Variants in MAP3K7CL observed in about 807,000 individuals in gnomAD.
MAP3K7CL encodes MAP3K7 C-terminal like, also known as MAP3K7 C-terminal-like protein.
Under a neutral mutation model 18.6 loss-of-function variants are expected in MAP3K7CL, and 16 were observed. That is an observed-to-expected ratio of 0.86 (90% CI 0.58 to 1.31). The LOEUF (loss-of-function observed/expected upper bound fraction) is 1.31. MAP3K7CL is among the 50% of genes most tolerant of loss of function. The pLI is 0.00. For missense variants in MAP3K7CL, 163 were observed against 174.4 expected (o/e 0.93, Z 0.37); for synonymous variants, 65 against 66.8 (o/e 0.97, Z 0.13).
chr21:29,080,427 C>T (rs1223657280), intron 1 of MAP3K7CL: 2 of 152,346 alleles, frequency 1.3e-5, no homozygotes, highest in Middle Eastern at 3.4e-3. Flanking sequence ...AACCAGAATT[C>T]CTGATGCACT....
At chr21:29,156,559 G>A (rs2251186) in intron 3 of MAP3K7CL, among the ~76,000 whole-genome samples, 42,743 of 151,978 alleles carry the variant, frequency 0.28, 7,612 homozygotes, top group Non-Finnish European at 0.37. Flanking sequence ...GCCATATATT[G>A]TCTCTTATTT....
intron 4 of MAP3K7CL, among the ~76,000 whole-genome samples, chr21:29,116,669 C>G (rs967224265): frequency 2.6e-5 from 4 of 152,104 alleles, no homozygotes; most frequent in African/African-American, 9.7e-5. Context: ...TTTAGTTTTT[C>G]TTGATAAACA....
At chr21:29,105,854 C>T (rs925616674) in intron 4 of MAP3K7CL, among the ~76,000 whole-genome samples, 3 of 152,124 alleles carry the variant, frequency 2.0e-5, no homozygotes, top group Non-Finnish European at 2.9e-5. Context: ...TGTACTCTGA[C>T]TGTTGGAAGA....
chr21:29,149,126 A>G lies in MAP3K7CL; in HGVS notation c.71-63A>G, dbSNP rs1169889533. The stretch of plus-strand genomic sequence containing the variant: ...TATACTGATGGTCTAACTCTGGGGG[A>G]GTCCAAGGACTCCTACAAGAAAGAG... On this transcript the variant is annotated intron_variant, in intron 2 of 4. Transcript: ENST00000399928. 3 of 1,308,300 alleles carry G rather than the reference A, an allele frequency of 2.3e-6. No individual in the cohort carries two copies. The African/African-American group carries it at 4.4e-5, about 19-fold the overall frequency. The allele number at this position is 1,308,300 out of a possible 1,614,324, so 81.0% of individuals were successfully genotyped here. A position where few individuals can be genotyped will look rare whatever the true frequency, so the allele number is the denominator to read the frequency against.
chr21:29,163,588 T>C (rs775044557), intron 4 of MAP3K7CL, among the ~76,000 whole-genome samples: 12 of 152,160 alleles, frequency 7.9e-5, no homozygotes, highest in African/African-American at 1.9e-4. Flanking sequence ...ATCCCTCAAC[T>C]TCAGCTACAT....
chr21:29,098,748 G>C (rs2086167555), intron 4 of MAP3K7CL, among the ~76,000 whole-genome samples: 1 of 152,042 alleles, frequency 6.6e-6, no homozygotes, highest in South Asian at 2.1e-4. Context: ...CAAGTCCTAA[G>C]CTTTCTACTA....
At chr21:29,160,257 A>C (rs998816794) in intron 4 of MAP3K7CL, among the ~76,000 whole-genome samples, 1 of 152,210 alleles carries the variant, frequency 6.6e-6, no homozygotes, top group Non-Finnish European at 1.5e-5. Flanking sequence ...CTCAAAACTT[A>C]ATTTTTTAAA....
intron 2 of MAP3K7CL, among the ~76,000 whole-genome samples, chr21:29,144,746 T>C (rs952983114): frequency 4.6e-5 from 7 of 152,228 alleles, no homozygotes; most frequent in Admixed American, 1.3e-4. Context: ...CATTGCTAAA[T>C]AACAGGGAGG....
At chr21:29,144,680 A>T (rs1199092972) in intron 2 of MAP3K7CL, among the ~76,000 whole-genome samples, 1 of 152,192 alleles carries the variant, frequency 6.6e-6, no homozygotes, top group Non-Finnish European at 1.5e-5. Flanking sequence ...GCTGGACCAG[A>T]TGGTTGCCTA....
At chr21:29,164,745 A>G (rs2087643643) in intron 4 of MAP3K7CL, among the ~76,000 whole-genome samples, 1 of 152,040 alleles carries the variant, frequency 6.6e-6, no homozygotes, top group Non-Finnish European at 1.5e-5. Context: ...TTATATTTTT[A>G]CTGATTTTTT....
intron 4 of MAP3K7CL, among the ~76,000 whole-genome samples, chr21:29,122,648 A>G (rs2086614365): frequency 6.6e-6 from 1 of 152,160 alleles, no homozygotes; most frequent in African/African-American, 2.4e-5. Flanking sequence ...ACCAACGTCT[A>G]GCTGCTGCTG....
chr21:29,123,820 G>A (rs73192186), intron 4 of MAP3K7CL, among the ~76,000 whole-genome samples: 26,520 of 152,024 alleles, frequency 0.17, 2,677 homozygotes, highest in South Asian at 0.23. Context: ...GGTACACACT[G>A]GGATATTAAC....
intron 1 of MAP3K7CL, among the ~76,000 whole-genome samples, chr21:29,086,701 G>A (rs1193163463): frequency 6.6e-6 from 1 of 152,206 alleles, no homozygotes. Flanking sequence ...GCCAGGTGGT[G>A]ATTGGCAATA....
intron 4 of MAP3K7CL, chr21:29,122,069 C>G (rs768718525): frequency 1.4e-4 from 21 of 152,164 alleles, no homozygotes; most frequent in Non-Finnish European, 7.3e-5. Context: ...TGTTTGGTTT[C>G]TGGAAAGTGC....
At position 29,146,615 on chromosome 21, in the gene MAP3K7CL, G is replaced by T. The variant is rs927507466; in HGVS notation, c.71-2574G>T. On this transcript the variant is annotated intron_variant, in intron 2 of 4. Transcript: ENST00000399928. ...GACTGTCCTCTAACCTGCAGCAAGGGGCTTGGGAAATTTCTCAGTTTTTAC... is the reference window on the plus strand; with the variant it reads ...GACTGTCCTCTAACCTGCAGCAAGGTGCTTGGGAAATTTCTCAGTTTTTAC... 3.3e-5 allele frequency among the ~76,000 whole-genome samples: 5 copies of T among 152,258 alleles called. No homozygotes were observed. The South Asian group carries it at 8.3e-4, about 25-fold the overall frequency.
chr21:29,118,363 T>C (rs2086538909), intron 4 of MAP3K7CL, among the ~76,000 whole-genome samples: 1 of 99,674 alleles, frequency 1.0e-5, no homozygotes, highest in Admixed American at 1.1e-4. Flanking sequence ...TTAACTTTTC[T>C]CCATGTGTGT....
chr21:29,167,941 C>T (rs1034139845), intron 4 of MAP3K7CL, among the ~76,000 whole-genome samples: 10 of 151,792 alleles, frequency 6.6e-5, no homozygotes, highest in Admixed American at 2.6e-4. Context: ...CCTCGTGGTC[C>T]GCCCACCTGG....
intron 2 of MAP3K7CL, among the ~76,000 whole-genome samples, chr21:29,137,702 A>G (rs139295203): frequency 2.5e-4 from 38 of 152,252 alleles, no homozygotes; most frequent in African/African-American, 8.9e-4. Flanking sequence ...GTGGAAGAGT[A>G]ACGTGTTGTC....
At chr21:29,172,772 A>G (rs1489035940) in intron 4 of MAP3K7CL, among the ~76,000 whole-genome samples, 2 of 151,990 alleles carry the variant, frequency 1.3e-5, no homozygotes, top group African/African-American at 2.4e-5. Context: ...ATTGAATGAG[A>G]TGGTCAGGCT....
Sources: allele counts gnomAD v4.1 joint callset (sites outside exome capture counted in the v4.1 genomes callset), GRCh38; gene constraint gnomAD v4.1.1; transcripts MANE v1.5; gene names NCBI Gene and HGNC (gene_info 2026-07-23, HGNC 2026-07-21).